FRMD4A: variants seen among roughly 807,000 people sequenced by gnomAD.
The protein encoded by FRMD4A is FERM domain containing 4A.
FRMD4A carries 29 observed loss-of-function variants against 129.1 expected under a neutral mutation model. That is an observed-to-expected ratio of 0.22 (90% CI 0.17 to 0.31). The LOEUF is 0.31. Among genes scored for constraint, FRMD4A ranks in the 10% least tolerant of loss-of-function variants. The pLI, the probability that FRMD4A is intolerant of heterozygous loss-of-function variation, is 1.00. For missense variants in FRMD4A, 1,272 were observed against 1,375.8 expected, an observed-to-expected ratio of 0.92 and a Z score of 1.19; for synonymous variants, 634 against 571.6, an observed-to-expected ratio of 1.11 and a Z score of -1.56.
chr10:13,760,977 A>T (rs886708710), intron 8 of FRMD4A, among the ~76,000 whole-genome samples: 3 of 151,574 alleles, frequency 2.0e-5, no homozygotes, highest in Non-Finnish European at 4.4e-5. Context: ...TGCTCTGTGC[A>T]GGGTCTGGTG....
chr10:14,185,789 A>G (rs1180104148), intron 2 of FRMD4A, among the ~76,000 whole-genome samples: 2 of 152,234 alleles, frequency 1.3e-5, no homozygotes, highest in Non-Finnish European at 2.9e-5. Flanking sequence ...CGTACAATCC[A>G]GACTAGTCCT....
intron 2 of FRMD4A, among the ~76,000 whole-genome samples, chr10:14,300,483 T>A (rs768645549): frequency 3.9e-5 from 6 of 152,212 alleles, no homozygotes; most frequent in Non-Finnish European, 8.8e-5. Flanking sequence ...AGTTCTGTCA[T>A]GAACTAGCAA....
chr10:13,817,907 A>G (rs1293088184), intron 3 of FRMD4A, among the ~76,000 whole-genome samples: 2 of 152,224 alleles, frequency 1.3e-5, no homozygotes, highest in African/African-American at 4.8e-5. Context: ...GGTAGCACCC[A>G]GGCACCTCAC....
At chr10:13,832,260 T>C (rs1178590736) in intron 3 of FRMD4A, among the ~76,000 whole-genome samples, 1 of 152,162 alleles carries the variant, frequency 6.6e-6, no homozygotes, top group Non-Finnish European at 1.5e-5. Context: ...AGCTGCTTGA[T>C]TGAAGTGCCT....
chr10:13,965,092 A>C, intron 2 of FRMD4A, among the ~76,000 whole-genome samples: 1 of 145,660 alleles, frequency 6.9e-6, no homozygotes, highest in African/African-American at 2.5e-5. Flanking sequence ...GAATTCAGCT[A>C]AGGAGAAGAA....
intron 2 of FRMD4A, among the ~76,000 whole-genome samples, chr10:13,913,072 TAAA>T (rs533215051): frequency 5.5e-5 from 7 of 126,596 alleles, no homozygotes; most frequent in Admixed American, 1.6e-4. Context: ...AAACTCCATT[TAAA>T]AAAAAAAAAA....
At chr10:13,890,257 T>G (rs2698130) in intron 2 of FRMD4A, among the ~76,000 whole-genome samples, 3 of 152,198 alleles carry the variant, frequency 2.0e-5, no homozygotes, top group African/African-American at 4.8e-5. Flanking sequence ...TTCCTCTCCC[T>G]GACTGCTGCC....
chr10:13,781,306 T>TTAA (rs1554894201), intron 6 of FRMD4A, among the ~76,000 whole-genome samples: 5 of 79,284 alleles, frequency 6.3e-5, no homozygotes, highest in Non-Finnish European at 8.6e-5. Flanking sequence ...TCTTAAAAAT[T>TTAA]AAAAAAAAAA....
chr10:14,134,025 G>T (rs1839402802), intron 2 of FRMD4A, among the ~76,000 whole-genome samples: 1 of 152,130 alleles, frequency 6.6e-6, no homozygotes, highest in African/African-American at 2.4e-5. Context: ...GGCCAGGCTG[G>T]GTTCTCCTCT....
intron 12 of FRMD4A, among the ~76,000 whole-genome samples, chr10:13,731,094 G>C (rs1377662466): frequency 6.6e-6 from 1 of 151,686 alleles, no homozygotes; most frequent in Non-Finnish European, 1.5e-5. Flanking sequence ...GCTGAGCCAA[G>C]ACAGACATGT....
At chr10:14,006,522 T>C (rs1371758028) in intron 2 of FRMD4A, among the ~76,000 whole-genome samples, 1 of 152,204 alleles carries the variant, frequency 6.6e-6, no homozygotes, top group African/African-American at 2.4e-5. Context: ...ACACTTTATC[T>C]GGAGAACATA....
At chr10:13,832,305 A>G (rs1457216650) in intron 3 of FRMD4A, among the ~76,000 whole-genome samples, 1 of 152,116 alleles carries the variant, frequency 6.6e-6, no homozygotes, top group East Asian at 1.9e-4. Flanking sequence ...AGCATCAAGG[A>G]TTGTCCACTG....
intron 2 of FRMD4A, among the ~76,000 whole-genome samples, chr10:13,935,378 C>A (rs1183344130): frequency 7.5e-6 from 1 of 134,164 alleles, no homozygotes; most frequent in Admixed American, 8.8e-5. Flanking sequence ...GAGGAGGTTG[C>A]AGTCAGCCAA....
At chr10:14,122,640 G>T (rs1838594937) in intron 2 of FRMD4A, among the ~76,000 whole-genome samples, 1 of 152,070 alleles carries the variant, frequency 6.6e-6, no homozygotes, top group Non-Finnish European at 1.5e-5. Flanking sequence ...ACTTTTAAAT[G>T]ATTAGTTCTC....
intron 2 of FRMD4A, among the ~76,000 whole-genome samples, chr10:14,291,682 A>T (rs1216514271): frequency 1.3e-5 from 2 of 152,132 alleles, no homozygotes; most frequent in African/African-American, 4.8e-5. Context: ...ATTTATACAA[A>T]AACCTTTAGA....
intron 2 of FRMD4A, among the ~76,000 whole-genome samples, chr10:14,224,256 T>A (rs1243963374): frequency 6.6e-6 from 1 of 152,244 alleles, no homozygotes. Context: ...TCTAAAAGTG[T>A]TGCAGACACC....
intron 12 of FRMD4A, among the ~76,000 whole-genome samples, chr10:13,733,441 G>GT (rs11427665): frequency 0.15 from 21,915 of 150,068 alleles, 1,964 homozygotes; most frequent in Non-Finnish European, 0.2. Flanking sequence ...CAAAGGCCTG[G>GT]TTTTTTTTTT....
At chr10:14,013,708 G>T (rs1303335827) in intron 2 of FRMD4A, among the ~76,000 whole-genome samples, 1 of 152,056 alleles carries the variant, frequency 6.6e-6, no homozygotes, top group Non-Finnish European at 1.5e-5. Flanking sequence ...GAGGCAGGTG[G>T]ATCCCCTGAG....
At chr10:13,693,617 C>G in intron 15 of FRMD4A, 1 of 745,110 alleles carries the variant, frequency 1.3e-6, no homozygotes, top group South Asian at 1.8e-5. Flanking sequence ...GTGAAACGCT[C>G]TGGGGGGTAC....
Sources: allele counts gnomAD v4.1 joint callset (sites outside exome capture counted in the v4.1 genomes callset), GRCh38; gene constraint gnomAD v4.1.1; transcripts MANE v1.5; gene names NCBI Gene and HGNC (gene_info 2026-07-23, HGNC 2026-07-21).